The following SH3D19 variants were observed in gnomAD, a reference collection of about 807,000 sequenced individuals.
SH3D19 encodes SH3 domain containing 19, also known as SH3 domain-containing protein 19.
Under a neutral mutation model 112.1 loss-of-function variants are expected in SH3D19, and 58 were observed. That is an observed-to-expected ratio of 0.52 (90% CI 0.42 to 0.64). SH3D19 has a LOEUF of 0.64. SH3D19 is among the 30% of genes least tolerant of loss of function. The probability of loss-of-function intolerance (pLI) is 0.00; values close to 1 mark genes in which losing one functional copy is unlikely to be tolerated. For missense variants in SH3D19, 1,090 were observed against 1,263.4 expected, an observed-to-expected ratio of 0.86 and a Z score of 2.08; for synonymous variants, 391 against 448.5, an observed-to-expected ratio of 0.87 and a Z score of 1.62.
chr4:151,226,492 G>A (rs1049414661), intron 1 of SH3D19: 1 of 987,786 alleles, frequency 1.0e-6, no homozygotes, highest in Admixed American at 6.1e-5. Context: ...TAACAGAATG[G>A]GGAGGGGGAA....
chr4:151,181,812 C>CAGG (rs1760985899), intron 3 of SH3D19: 1 of 152,142 alleles, frequency 6.6e-6, no homozygotes, highest in African/African-American at 2.4e-5. Flanking sequence ...AAAAGGAATT[C>CAGG]AGGAGCATGA....
chr4:151,290,599 T>G (rs1775224432), intron 1 of SH3D19, among the ~76,000 whole-genome samples: 1 of 152,214 alleles, frequency 6.6e-6, no homozygotes, highest in Non-Finnish European at 1.5e-5. Flanking sequence ...ATAAAAATGT[T>G]CTAAAATGGG....
chr4:151,287,341 CAAAAAAA>C (rs34944826), intron 1 of SH3D19, among the ~76,000 whole-genome samples: 1 of 82,374 alleles, frequency 1.2e-5, no homozygotes, highest in African/African-American at 4.4e-5. Flanking sequence ...ACTCTGTCTC[CAAAAAAA>C]AAAAAAAAAA....
intron 1 of SH3D19, among the ~76,000 whole-genome samples, chr4:151,261,913 A>G (rs1475794591): frequency 1.3e-5 from 2 of 152,178 alleles, no homozygotes; most frequent in Non-Finnish European, 2.9e-5. Flanking sequence ...TCAGGAAAGT[A>G]AGGACACTCA....
intron 19 of SH3D19, among the ~76,000 whole-genome samples, chr4:151,124,193 G>A (rs561998918): frequency 2.6e-5 from 4 of 151,458 alleles, no homozygotes; most frequent in South Asian, 2.1e-4. Context: ...TGCAACCTCC[G>A]CCTCCCAGGT....
intron 1 of SH3D19, among the ~76,000 whole-genome samples, chr4:151,317,132 A>G (rs1730065960): frequency 6.6e-6 from 1 of 152,204 alleles, no homozygotes; most frequent in Non-Finnish European, 1.5e-5. Flanking sequence ...CTCACCAGGG[A>G]GACACCGTCT....
At chr4:151,126,660 A>G (rs754822204) in intron 19 of SH3D19, among the ~76,000 whole-genome samples, 85 of 151,352 alleles carry the variant, frequency 5.6e-4, no homozygotes, top group Non-Finnish European at 1.0e-3. Context: ...TTAGCTGGGC[A>G]TGGTGGCGGG....
chr4:151,189,206 C>CG (rs1762250580), intron 2 of SH3D19, among the ~76,000 whole-genome samples: 1 of 150,914 alleles, frequency 6.6e-6, no homozygotes, highest in African/African-American at 2.4e-5. Flanking sequence ...CTCTGCCTCC[C>CG]GGGTTCACAC....
At chr4:151,286,908 A>C (rs1774844587) in intron 1 of SH3D19, among the ~76,000 whole-genome samples, 1 of 151,738 alleles carries the variant, frequency 6.6e-6, no homozygotes, top group South Asian at 2.1e-4. Context: ...TGAATCTGGG[A>C]GGTAGAGGTT....
chr4:151,267,082 G>A (rs1207683034), intron 1 of SH3D19, among the ~76,000 whole-genome samples: 3 of 151,800 alleles, frequency 2.0e-5, no homozygotes, highest in Middle Eastern at 3.2e-3. Context: ...ACTTCTGGAG[G>A]CCGAGGTGGA....
chr4:151,203,728 C>G (rs1267125001), intron 2 of SH3D19, among the ~76,000 whole-genome samples: 1 of 152,060 alleles, frequency 6.6e-6, no homozygotes, highest in African/African-American at 2.4e-5. Flanking sequence ...ACTTGTATTC[C>G]CTTCTAATTC....
intron 1 of SH3D19, chr4:151,282,196 AG>A (rs750358616): frequency 3.1e-6 from 5 of 1,613,862 alleles, no homozygotes; most frequent in Non-Finnish European, 4.2e-6. Context: ...CGATTACAGT[AG>A]GTGACTCAAG....
chr4:151,309,950 G>A (rs755786738), intron 1 of SH3D19, among the ~76,000 whole-genome samples: 31 of 151,912 alleles, frequency 2.0e-4, no homozygotes, highest in Non-Finnish European at 1.9e-4. Flanking sequence ...AGATGACACC[G>A]CTGCCCTCCA....
At position 151,128,237 on chromosome 4, in the gene SH3D19, G is replaced by T. The variant is rs373233096; in HGVS notation, c.2862C>A (p.Asp954Glu). The T allele has an allele frequency of 6.2e-7, 1 of 1,614,028 alleles. No individual in the cohort carries two copies. The highest frequency in any genetic ancestry group is 8.5e-7 in the Non-Finnish European group (1 of 1,180,008). ...TGTCCTGCAGTCTGCCCCTGCACCA[G>T]TCAGAATCCAGACGTTCCAGAATCT... ...RIQILERLDS[D>E]WCRGRLQDRE... The change falls in exon 18 of 20, where the codon GAC becomes GAA. Residue 954 changes from aspartate to glutamate, a missense_variant. Coordinates refer to ENST00000604030, the MANE Select transcript of SH3D19 (RefSeq NM_001378122.1).
chr4:151,197,084 T>G (rs907688755), intron 2 of SH3D19, among the ~76,000 whole-genome samples: 1 of 152,202 alleles, frequency 6.6e-6, no homozygotes, highest in African/African-American at 2.4e-5. Context: ...GAAAACAGTG[T>G]GGAGATTCCT....
intron 8 of SH3D19, among the ~76,000 whole-genome samples, chr4:151,161,011 A>C (rs1382652196): frequency 6.6e-6 from 1 of 152,232 alleles, no homozygotes; most frequent in African/African-American, 2.4e-5. Flanking sequence ...CTGTCGTGAC[A>C]AATATTTAAG....
intron 19 of SH3D19, among the ~76,000 whole-genome samples, chr4:151,122,647 C>T (rs1400733836): frequency 2.6e-5 from 4 of 152,064 alleles, no homozygotes; most frequent in Non-Finnish European, 5.9e-5. Flanking sequence ...GGACAGAAAG[C>T]ATGGGATTGC....
At chr4:151,272,495 A>G (rs1773295893) in intron 1 of SH3D19, among the ~76,000 whole-genome samples, 1 of 152,208 alleles carries the variant, frequency 6.6e-6, no homozygotes, top group Non-Finnish European at 1.5e-5. Context: ...TGCCATTATC[A>G]CACCTGTCAA....
intron 1 of SH3D19, among the ~76,000 whole-genome samples, chr4:151,251,650 AT>A (rs1314149058): frequency 6.6e-6 from 1 of 151,780 alleles, no homozygotes; most frequent in Non-Finnish European, 1.5e-5. Context: ...TAAGTTAGTG[AT>A]TTCTCATTAT....
Sources: allele counts gnomAD v4.1 joint callset (sites outside exome capture counted in the v4.1 genomes callset), GRCh38; gene constraint gnomAD v4.1.1; transcripts MANE v1.5; gene names NCBI Gene and HGNC (gene_info 2026-07-23, HGNC 2026-07-21).